The following ADAMTS17 variants were observed in gnomAD, a reference collection of about 807,000 sequenced individuals.
ADAMTS17 encodes ADAM metallopeptidase with thrombospondin type 1 motif 17.
Under a neutral mutation model 141.5 loss-of-function variants are expected in ADAMTS17, and 113 were observed. The ratio of observed to expected loss-of-function variants is 0.80; its 90% CI spans 0.69 to 0.93. ADAMTS17 has a LOEUF of 0.93. Ranked by LOEUF, ADAMTS17 falls within the 40% of genes least tolerant of loss-of-function variation. The pLI is 0.00. For synonymous variants in ADAMTS17, 768 were observed against 630.6 expected, an observed-to-expected ratio of 1.22 and a Z score of -3.27; for missense variants, 1,659 against 1,517.9, an observed-to-expected ratio of 1.09 and a Z score of -1.54.
At chr15:100,189,327 G>A (rs1032085966) in intron 8 of ADAMTS17, among the ~76,000 whole-genome samples, 21 of 152,232 alleles carry the variant, frequency 1.4e-4, no homozygotes, top group African/African-American at 2.9e-4. Flanking sequence ...GGGGCTTTGC[G>A]AGCTTGTTCT....
intron 7 of ADAMTS17, among the ~76,000 whole-genome samples, chr15:100,205,990 C>T (rs943289622): frequency 2.6e-5 from 4 of 152,324 alleles, no homozygotes; most frequent in South Asian, 2.1e-4. Flanking sequence ...CCCACTGATC[C>T]CTGCTCCTCC....
intron 8 of ADAMTS17, among the ~76,000 whole-genome samples, chr15:100,195,245 G>T (rs2041067219): frequency 6.6e-6 from 1 of 152,204 alleles, no homozygotes; most frequent in Non-Finnish European, 1.5e-5. Flanking sequence ...CACAGCACCT[G>T]CACCAGGACT....
intron 20 of ADAMTS17, among the ~76,000 whole-genome samples, chr15:99,987,737 T>G (rs964943785): frequency 6.6e-6 from 1 of 152,166 alleles, no homozygotes; most frequent in African/African-American, 2.4e-5. Context: ...TAGGGAAATG[T>G]ATTCTTCCCA....
intron 15 of ADAMTS17, among the ~76,000 whole-genome samples, chr15:100,069,763 C>G (rs1380353284): frequency 2.7e-5 from 4 of 147,514 alleles, no homozygotes; most frequent in Admixed American, 2.0e-4. Context: ...TGGAAAGGAA[C>G]AACTGGTAAC....
chr15:100,072,360 C>T (rs1287284375), intron 15 of ADAMTS17, among the ~76,000 whole-genome samples: 2 of 149,046 alleles, frequency 1.3e-5, no homozygotes, highest in African/African-American at 2.5e-5. Flanking sequence ...CAATGCCATC[C>T]CCATCAAGCT....
chr15:100,316,513 GGTGGATTTTCCACTGGATGCCA>G (rs1445559677), intron 3 of ADAMTS17, among the ~76,000 whole-genome samples: 6 of 152,030 alleles, frequency 3.9e-5, no homozygotes, highest in South Asian at 4.2e-4. Context: ...CTCCCCTTCC[GGTGGATTTTCCACTGGATGCCA>G]GTGGATTTTC....
chr15:100,323,307 A>T (rs896726616), intron 3 of ADAMTS17, among the ~76,000 whole-genome samples: 4 of 152,226 alleles, frequency 2.6e-5, no homozygotes, highest in Non-Finnish European at 5.9e-5. Flanking sequence ...GGGTTAAATA[A>T]ATAACCCAAG....
At chr15:100,134,825 T>C (rs1470005839) in intron 10 of ADAMTS17, among the ~76,000 whole-genome samples, 5 of 152,180 alleles carry the variant, frequency 3.3e-5, no homozygotes, top group African/African-American at 1.2e-4. Context: ...TCAAGTGGAA[T>C]ACTGCACATG....
At chr15:100,132,931 T>A (rs1395795772) in intron 11 of ADAMTS17, among the ~76,000 whole-genome samples, 1 of 152,240 alleles carries the variant, frequency 6.6e-6, no homozygotes, top group Non-Finnish European at 1.5e-5. Flanking sequence ...CCATTTGAAA[T>A]ATACTGGTGA....
chr15:100,133,460 C>A, intron 10 of ADAMTS17, 145 bp from the exon 11 acceptor site: 2 of 749,398 alleles, frequency 2.7e-6, no homozygotes, highest in Non-Finnish European at 4.6e-6. Context: ...GTCTGTATGT[C>A]CAAAATATCA....
intron 18 of ADAMTS17, among the ~76,000 whole-genome samples, chr15:100,016,792 G>A (rs1215108462): frequency 1.3e-5 from 2 of 152,204 alleles, no homozygotes; most frequent in Admixed American, 1.3e-4. Flanking sequence ...TGGACTCTGT[G>A]AGGGTTCTTA....
At chr15:100,182,197 A>T (rs574577126) in intron 8 of ADAMTS17, among the ~76,000 whole-genome samples, 28 of 152,330 alleles carry the variant, frequency 1.8e-4, no homozygotes, top group Middle Eastern at 6.8e-3. Flanking sequence ...CAGGAAACTT[A>T]CAATCATGGC....
intron 18 of ADAMTS17, among the ~76,000 whole-genome samples, chr15:100,046,248 G>C (rs145653952): frequency 1.3e-5 from 2 of 152,236 alleles, no homozygotes; most frequent in Non-Finnish European, 2.9e-5. Flanking sequence ...ATCTGTAGGA[G>C]GGCTGGTCCA....
rs368031039 is a variant in ADAMTS17 at position 100,160,448 on chromosome 15, C to G, written c.1182-5128G>C. On this transcript the variant is annotated intron_variant, in intron 8 of 21. Transcript: ENST00000268070. ...GACTCAAGCCCTGGGAGGATGGTCT[C>G]CTCATTTATGGAAGAAAATTTCATG... Among the ~76,000 whole-genome samples the G allele has an allele frequency of 3.3e-5, 5 of 152,258 alleles. No homozygotes were observed. In the East Asian group the frequency reaches 7.7e-4, roughly 24 times the overall value.
At chr15:99,996,240 G>A in intron 19 of ADAMTS17, among the ~76,000 whole-genome samples, 1 of 152,012 alleles carries the variant, frequency 6.6e-6, no homozygotes, top group East Asian at 1.9e-4. Flanking sequence ...ATTTAGTAGA[G>A]ACAGGATTTT....
intron 15 of ADAMTS17, among the ~76,000 whole-genome samples, chr15:100,080,323 C>A (rs1330548353): frequency 6.6e-6 from 1 of 152,186 alleles, no homozygotes; most frequent in African/African-American, 2.4e-5. Flanking sequence ...AAGGGAGTTA[C>A]AGTGTTGACT....
chr15:100,205,854 CAGGGCCTGA>C (rs1175944618), intron 7 of ADAMTS17, among the ~76,000 whole-genome samples: 2 of 152,230 alleles, frequency 1.3e-5, no homozygotes, highest in Admixed American at 1.3e-4. Context: ...AGCCAAGCCT[CAGGGCCTGA>C]AGGGTGGGCG....
At chr15:100,038,406 A>T (rs1408583463) in intron 18 of ADAMTS17, among the ~76,000 whole-genome samples, 1 of 152,228 alleles carries the variant, frequency 6.6e-6, no homozygotes, top group Admixed American at 6.5e-5. Flanking sequence ...TGGAAGAAAG[A>T]TGGCTTAAAT....
intron 7 of ADAMTS17, among the ~76,000 whole-genome samples, chr15:100,226,912 C>T (rs2042329107): frequency 6.6e-6 from 1 of 152,140 alleles, no homozygotes; most frequent in Admixed American, 6.5e-5. Context: ...AGAAAAATGA[C>T]AATTTCATGT....
Sources: allele counts gnomAD v4.1 joint callset (sites outside exome capture counted in the v4.1 genomes callset), GRCh38; gene constraint gnomAD v4.1.1; transcripts MANE v1.5; gene names NCBI Gene and HGNC (gene_info 2026-07-23, HGNC 2026-07-21).